Variants in DRC11 observed in about 807,000 individuals in gnomAD.
DRC11 encodes IQ and AAA domain-containing protein 1.
the DRC11 span, among the ~76,000 whole-genome samples, chr2:236,334,509 G>A: frequency 0.2 from 29,957 of 152,056 alleles, 3,062 homozygotes; most frequent in African/African-American, 0.26. The surrounding 1 kb of genome is among the most constrained non-coding windows in gnomAD (Gnocchi z 7.8). Flanking sequence ...GGCTCTCCAG[G>A]CCAAGTGCTG....
the DRC11 span, among the ~76,000 whole-genome samples, chr2:236,310,888 A>C: frequency 6.6e-6 from 1 of 152,208 alleles, no homozygotes; most frequent in Non-Finnish European, 1.5e-5. This position sits in a 1 kb window ranked among gnomAD's most constrained non-coding sequence, Gnocchi z 5.5. Context: ...GTTTTATATA[A>C]AAGTAACCTC....
At chr2:236,501,562 G>A in the DRC11 span, among the ~76,000 whole-genome samples, 1 of 152,120 alleles carries the variant, frequency 6.6e-6, no homozygotes, top group Non-Finnish European at 1.5e-5. Flanking sequence ...GATGATCAAG[G>A]GAATGGTTTG....
the DRC11 span, among the ~76,000 whole-genome samples, chr2:236,318,214 C>T: frequency 2.6e-5 from 4 of 152,058 alleles, no homozygotes; most frequent in South Asian, 2.1e-4. This position sits in a 1 kb window ranked among gnomAD's most constrained non-coding sequence, Gnocchi z 7.0. Context: ...CTGACTCCCA[C>T]GGGGAGCAGG....
chr2:236,418,999 C>G, the DRC11 span: 1 of 1,257,166 alleles, frequency 8.0e-7, no homozygotes, highest in East Asian at 2.9e-5. Flanking sequence ...TATTTAAAAA[C>G]TGAAAACCTG....
the DRC11 span, among the ~76,000 whole-genome samples, chr2:236,461,727 A>T: frequency 6.6e-6 from 1 of 152,214 alleles, no homozygotes; most frequent in Non-Finnish European, 1.5e-5. The surrounding 1 kb of genome is among the most constrained non-coding windows in gnomAD (Gnocchi z 4.0). Context: ...TCTTGTCCTT[A>T]TATCACAGAT....
chr2:236,502,015 C>T, the DRC11 span, among the ~76,000 whole-genome samples: 23,745 of 152,000 alleles, frequency 0.16, 4,776 homozygotes, highest in African/African-American at 0.47. Flanking sequence ...CAAGAAGATG[C>T]TCAGTAAATT....
the DRC11 span, among the ~76,000 whole-genome samples, chr2:236,308,572 G>T: frequency 6.6e-6 from 1 of 152,260 alleles, no homozygotes; most frequent in Non-Finnish European, 1.5e-5. The surrounding 1 kb of genome is among the most constrained non-coding windows in gnomAD (Gnocchi z 6.0). Context: ...TGTGGCCAGT[G>T]TGGGGGCTCT....
the DRC11 span, chr2:236,391,320 CAGAA>C: frequency 1.3e-5 from 2 of 152,274 alleles, no homozygotes; most frequent in Admixed American, 1.3e-4. The surrounding 1 kb of genome is among the most constrained non-coding windows in gnomAD (Gnocchi z 4.5). Context: ...GTGTGAATCA[CAGAA>C]AGAGTGGCTC....
At chr2:236,471,369 T>C in the DRC11 span, among the ~76,000 whole-genome samples, 1 of 152,196 alleles carries the variant, frequency 6.6e-6, no homozygotes, top group Non-Finnish European at 1.5e-5. This position sits in a 1 kb window ranked among gnomAD's most constrained non-coding sequence, Gnocchi z 4.6. Context: ...CTGAACTACC[T>C]TGCAAAGAGG....
At chr2:236,318,018 G>C in the DRC11 span, among the ~76,000 whole-genome samples, 1 of 152,236 alleles carries the variant, frequency 6.6e-6, no homozygotes, top group African/African-American at 2.4e-5. This position sits in a 1 kb window ranked among gnomAD's most constrained non-coding sequence, Gnocchi z 7.0. Context: ...CGGTGTAGGG[G>C]AGCCACACTG....
At chr2:236,469,712 T>C in the DRC11 span, among the ~76,000 whole-genome samples, 7 of 152,208 alleles carry the variant, frequency 4.6e-5, no homozygotes, top group Non-Finnish European at 7.3e-5. The surrounding 1 kb of genome is among the most constrained non-coding windows in gnomAD (Gnocchi z 5.8). Flanking sequence ...CATATTTAGG[T>C]CCTATGTTAA....
At chr2:236,333,645 G>C in the DRC11 span, among the ~76,000 whole-genome samples, 1 of 152,162 alleles carries the variant, frequency 6.6e-6, no homozygotes, top group African/African-American at 2.4e-5. This position sits in a 1 kb window ranked among gnomAD's most constrained non-coding sequence, Gnocchi z 6.0. Context: ...TGGTGCAAAA[G>C]GGAACTATCA....
chr2:236,346,884 C>T, the DRC11 span: 19 of 163,018 alleles, frequency 1.2e-4, no homozygotes, highest in African/African-American at 3.4e-4. Flanking sequence ...AGAGGCAAAA[C>T]GGTGGAATTT....
the DRC11 span, among the ~76,000 whole-genome samples, chr2:236,465,142 G>A: frequency 6.6e-6 from 1 of 152,052 alleles, no homozygotes; most frequent in Non-Finnish European, 1.5e-5. This position sits in a 1 kb window ranked among gnomAD's most constrained non-coding sequence, Gnocchi z 6.2. Context: ...TGACCGAGAG[G>A]GACCATGATT....
the DRC11 span, among the ~76,000 whole-genome samples, chr2:236,335,926 A>G: frequency 6.6e-6 from 1 of 151,882 alleles, no homozygotes; most frequent in Non-Finnish European, 1.5e-5. This position sits in a 1 kb window ranked among gnomAD's most constrained non-coding sequence, Gnocchi z 5.6. Flanking sequence ...CCCTTCATCC[A>G]TGTTTCTCAT....
chr2:236,465,412 C>T, the DRC11 span: 1 of 1,049,710 alleles, frequency 9.5e-7, no homozygotes, highest in Non-Finnish European at 1.4e-6. This position sits in a 1 kb window ranked among gnomAD's most constrained non-coding sequence, Gnocchi z 6.2. Flanking sequence ...AACCTCATGA[C>T]TCTATATCAA....
At chr2:236,315,680 G>T in the DRC11 span, among the ~76,000 whole-genome samples, 1 of 152,256 alleles carries the variant, frequency 6.6e-6, no homozygotes, top group Admixed American at 6.5e-5. This position sits in a 1 kb window ranked among gnomAD's most constrained non-coding sequence, Gnocchi z 5.1. Context: ...GCCATAAAAA[G>T]GAATGAGATC....
At chr2:236,321,488 C>T in the DRC11 span, among the ~76,000 whole-genome samples, 2 of 152,192 alleles carry the variant, frequency 1.3e-5, no homozygotes, top group Non-Finnish European at 2.9e-5. Flanking sequence ...AGCGTATCTA[C>T]ACTCCCTCTC....
At chr2:236,462,702 C>G in the DRC11 span, among the ~76,000 whole-genome samples, 1 of 151,910 alleles carries the variant, frequency 6.6e-6, no homozygotes, top group South Asian at 2.1e-4. The surrounding 1 kb of genome is among the most constrained non-coding windows in gnomAD (Gnocchi z 6.4). Flanking sequence ...CAAAAAACCA[C>G]CAGGGTATGA....
Sources: gnomAD v4.1 joint callset for allele counts (sites outside exome capture counted in the v4.1 genomes callset) on GRCh38, gnomAD v4.1.1 for gene constraint, Gnocchi (gnomAD v3.1) non-coding constraint, MANE v1.5 for transcripts, NCBI Gene and HGNC (gene_info 2026-07-23, HGNC 2026-07-21) for gene names.